The following KCNIP4 variants were observed in gnomAD, a reference collection of about 807,000 sequenced individuals.
The protein encoded by KCNIP4 is Kv channel-interacting protein 4.
Under a neutral mutation model 34.0 loss-of-function variants are expected in KCNIP4, and 12 were observed. The ratio of observed to expected loss-of-function variants is 0.35; its 90% confidence interval spans 0.23 to 0.57. The LOEUF is 0.57. KCNIP4 is among the 20% of genes least tolerant of loss of function. KCNIP4 has a pLI of 0.83. For missense variants in KCNIP4, 238 were observed against 311.7 expected, an observed-to-expected ratio of 0.76 and a Z score of 1.78; for synonymous variants, 124 against 102.2, an observed-to-expected ratio of 1.21 and a Z score of -1.29.
chr4:20,774,605 T>A (rs1037501686), intron 3 of KCNIP4, among the ~76,000 whole-genome samples: 6 of 152,218 alleles, frequency 3.9e-5, no homozygotes, highest in Non-Finnish European at 8.8e-5. Flanking sequence ...TCTGTGTAAA[T>A]AACCATTCAG....
intron 1 of KCNIP4, among the ~76,000 whole-genome samples, chr4:21,795,071 C>CTGAGATTGTACCTCAAAA (rs1247133796): frequency 2.0e-5 from 3 of 152,104 alleles, no homozygotes; most frequent in African/African-American, 7.2e-5. Flanking sequence ...TCACCTCAAA[C>CTGAGATTGTACCTCAAAA]TGAGATTGTA....
chr4:21,328,507 C>G (rs1715310377), intron 1 of KCNIP4, among the ~76,000 whole-genome samples: 1 of 152,174 alleles, frequency 6.6e-6, no homozygotes, highest in Non-Finnish European at 1.5e-5. Flanking sequence ...TTGGACTGTA[C>G]TGAGTCAGAC....
intron 1 of KCNIP4, among the ~76,000 whole-genome samples, chr4:21,025,541 C>CTTTT (rs1740456779): frequency 2.8e-4 from 9 of 32,052 alleles, no homozygotes; most frequent in East Asian, 1.6e-3. Flanking sequence ...CTCATTGATA[C>CTTTT]TGTTTTTTTT....
intron 1 of KCNIP4, among the ~76,000 whole-genome samples, chr4:21,046,578 A>AATTTATTTATTTATTTATCT (rs1742437727): frequency 2.5e-5 from 3 of 117,870 alleles, no homozygotes; most frequent in African/African-American, 8.7e-5. Flanking sequence ...GTTACTAGCT[A>AATTTATTTATTTATTTATCT]ATTTATTTAT....
chr4:20,900,003 T>C (rs1451030937), intron 1 of KCNIP4, among the ~76,000 whole-genome samples: 18 of 152,218 alleles, frequency 1.2e-4, no homozygotes, highest in Non-Finnish European at 5.9e-5. Flanking sequence ...AAGTCTGCCC[T>C]GATACTTTCC....
At chr4:21,228,727 T>C (rs1758583151) in intron 1 of KCNIP4, among the ~76,000 whole-genome samples, 1 of 152,182 alleles carries the variant, frequency 6.6e-6, no homozygotes, top group South Asian at 2.1e-4. Context: ...TTCGATCAGA[T>C]TGCACTAAAC....
In KCNIP4 at chr4:21,943,020, A is replaced by C. The variant is rs113531680; in HGVS notation, c.61+5551T>G. Among the ~76,000 whole-genome samples, 712 of 152,268 alleles carry C rather than the reference A, an allele frequency of 4.7e-3. 4 individuals are homozygous for C. The highest frequency in any genetic ancestry group is 0.016 in the African/African-American group (673 of 41,542). The stretch of plus-strand genomic sequence containing the variant: ...GCGATCTGCCAGCCTCGGCCTCCCA[A>C]AGTGCTGAGATTACAAGTGTGAGCC... On this transcript the variant is annotated intron_variant, in intron 1 of 8. Transcript: ENST00000382152.
At chr4:21,132,169 T>C (rs1010209564) in intron 1 of KCNIP4, among the ~76,000 whole-genome samples, 1 of 152,240 alleles carries the variant, frequency 6.6e-6, no homozygotes, top group African/African-American at 2.4e-5. Flanking sequence ...GCAAAATGTT[T>C]ATCAAGCCTC....
At chr4:21,806,559 TA>T (rs1721311023) in intron 1 of KCNIP4, among the ~76,000 whole-genome samples, 1 of 152,202 alleles carries the variant, frequency 6.6e-6, no homozygotes, top group Non-Finnish European at 1.5e-5. Context: ...ACTCTTTCAA[TA>T]AATATGTAGA....
At chr4:20,883,185 C>T (rs564267011) in intron 1 of KCNIP4, among the ~76,000 whole-genome samples, 10 of 152,166 alleles carry the variant, frequency 6.6e-5, no homozygotes, top group Non-Finnish European at 1.5e-4. Context: ...AAATCATTCA[C>T]ACCACAATCA....
intron 1 of KCNIP4, among the ~76,000 whole-genome samples, chr4:21,201,413 G>A (rs183573103): frequency 8.5e-4 from 129 of 152,334 alleles, no homozygotes; most frequent in African/African-American, 2.8e-3. Flanking sequence ...CAGAAGTGGT[G>A]TTGTAGAACT....
intron 1 of KCNIP4, among the ~76,000 whole-genome samples, chr4:21,822,431 C>A (rs1722410981): frequency 6.6e-6 from 1 of 152,140 alleles, no homozygotes; most frequent in South Asian, 2.1e-4. Context: ...CCACAGGGTA[C>A]TAATCCAAAA....
chr4:20,883,437 A>G (rs910795677), intron 1 of KCNIP4, among the ~76,000 whole-genome samples: 12 of 152,186 alleles, frequency 7.9e-5, no homozygotes, highest in Non-Finnish European at 1.8e-4. Flanking sequence ...AGATGACTCA[A>G]GAAAAATCAA....
At chr4:21,250,183 G>T (rs1577963096) in intron 1 of KCNIP4, among the ~76,000 whole-genome samples, 1 of 138,052 alleles carries the variant, frequency 7.2e-6, no homozygotes, top group Admixed American at 7.5e-5. Context: ...AAAGTATCCA[G>T]ACAACTACAC....
At chr4:20,731,043 C>T (rs1228208576) in intron 8 of KCNIP4, among the ~76,000 whole-genome samples, 7 of 152,100 alleles carry the variant, frequency 4.6e-5, no homozygotes, top group African/African-American at 9.7e-5. Context: ...AAAGAAACAA[C>T]GGATTTCTTT....
intron 1 of KCNIP4, among the ~76,000 whole-genome samples, chr4:21,831,087 T>A (rs1722957864): frequency 6.6e-6 from 1 of 152,054 alleles, no homozygotes; most frequent in Non-Finnish European, 1.5e-5. Flanking sequence ...AAAAGGCAAA[T>A]TTTAAAATAT....
At chr4:21,901,668 G>T (rs1165208010) in intron 1 of KCNIP4, among the ~76,000 whole-genome samples, 2 of 152,204 alleles carry the variant, frequency 1.3e-5, no homozygotes, top group Non-Finnish European at 2.9e-5. Context: ...AATAATAAAT[G>T]CATTAATTAC....
intron 1 of KCNIP4, among the ~76,000 whole-genome samples, chr4:21,075,891 C>T (rs541415029): frequency 6.6e-6 from 1 of 152,246 alleles, no homozygotes; most frequent in African/African-American, 2.4e-5. Flanking sequence ...TTCTCCTTCA[C>T]TTACGAAGCT....
intron 1 of KCNIP4, among the ~76,000 whole-genome samples, chr4:21,739,613 A>G (rs990977388): frequency 1.3e-5 from 2 of 152,086 alleles, no homozygotes; most frequent in African/African-American, 2.4e-5. Context: ...TATATCATAA[A>G]ATAACCATTT....
Sources: gnomAD v4.1 joint callset for allele counts (sites outside exome capture counted in the v4.1 genomes callset) on GRCh38, gnomAD v4.1.1 for gene constraint, MANE v1.5 for transcripts, NCBI Gene and HGNC (gene_info 2026-07-23, HGNC 2026-07-21) for gene names.